The following OPA3 variants were observed in gnomAD, a reference collection of about 807,000 sequenced individuals.
OPA3 encodes outer mitochondrial membrane lipid metabolism regulator OPA3, also known as optic atrophy 3 protein.
In OPA3, 6 loss-of-function variants were observed where a neutral mutation model predicts 4.0. That is an observed-to-expected ratio of 1.51 (90% CI 0.83 to 2.99). The LOEUF is 2.99. OPA3 is among the 30% of genes most tolerant of loss of function. The probability of loss-of-function intolerance (pLI) is 0.00; values close to 1 mark genes in which losing one functional copy is unlikely to be tolerated. For missense variants in OPA3, 235 were observed against 256.2 expected, an observed-to-expected ratio of 0.92 and a Z score of 0.56; for synonymous variants, 105 against 117.1, an observed-to-expected ratio of 0.90 and a Z score of 0.67.
chr19:45,584,455 C>G (rs1193013954), intron 1 of OPA3, 168 bp downstream of exon 1: 1 of 984,242 alleles, frequency 1.0e-6, no homozygotes, highest in African/African-American at 1.7e-5. Flanking sequence ...CCCGCCCTCA[C>G]TACTGGGCCA....
chr19:45,551,019 G>A lies in OPA3; in HGVS notation c.*2495C>T. 1.1e-6 allele frequency: 1 copy of A among 934,796 alleles called. No individual in the cohort carries two copies. The highest frequency in any genetic ancestry group is 1.3e-6 in the Non-Finnish European group (1 of 783,856). 57.9% of individuals were successfully genotyped at this position (934,796 alleles called of 1,614,324 possible). A position where few individuals can be genotyped will look rare whatever the true frequency, so the allele number is the denominator to read the frequency against. The stretch of plus-strand genomic sequence containing the variant: ...TCTGTCATCCAGGCTGGAGTGTAGT[G>A]GCGCGATCACGGCTCGCTGCAGCCT... On this transcript the variant is annotated 3_prime_UTR_variant, in exon 2 of 2. Coordinates refer to ENST00000263275, the MANE Select transcript of OPA3 (RefSeq NM_025136.4).
chr19:45,577,955 T>C (rs988185925), intron 1 of OPA3, among the ~76,000 whole-genome samples: 2 of 152,166 alleles, frequency 1.3e-5, no homozygotes, highest in Non-Finnish European at 2.9e-5. Context: ...AGAGAGTAAA[T>C]ATTTTAGATT....
At position 45,552,160 on chromosome 19, in the gene OPA3, G is replaced by A; in HGVS notation, c.*1354C>T. 1 of 985,376 alleles carries A rather than the reference G, an allele frequency of 1.0e-6. No individual in the cohort carries two copies. The highest frequency in any genetic ancestry group is 1.2e-6 in the Non-Finnish European group (1 of 829,978). 61.0% of individuals were successfully genotyped at this position (985,376 alleles called of 1,614,324 possible). ...GGTTCTGTTGGAATAGTCCACTTCGGGTCTCAAGGGAAGGTACAATGATTC... is the reference window on the plus strand; with the variant it reads ...GGTTCTGTTGGAATAGTCCACTTCGAGTCTCAAGGGAAGGTACAATGATTC... On this transcript the variant is annotated 3_prime_UTR_variant, in exon 2 of 2. Transcript: ENST00000263275.
At chr19:45,584,077 T>G (rs1333896222) in intron 1 of OPA3, among the ~76,000 whole-genome samples, 1 of 152,186 alleles carries the variant, frequency 6.6e-6, no homozygotes. Context: ...TCCCAGGCCA[T>G]GTCTCCAGAA....
intron 1 of OPA3, among the ~76,000 whole-genome samples, chr19:45,560,583 T>C (rs1054986667): frequency 4.6e-5 from 7 of 152,114 alleles, no homozygotes; most frequent in African/African-American, 1.7e-4. Context: ...TCCTCCTGGA[T>C]TTCCTGGATT....
At chr19:45,584,489 C>T in intron 1 of OPA3, 134 bp downstream of exon 1, 1 of 1,499,658 alleles carries the variant, frequency 6.7e-7, no homozygotes, top group Non-Finnish European at 9.0e-7. Flanking sequence ...CTATCAGAAA[C>T]CCCCCACTAT....
intron 1 of OPA3, among the ~76,000 whole-genome samples, chr19:45,566,832 CTAGA>C (rs1276053355): frequency 6.6e-6 from 1 of 151,972 alleles, no homozygotes; most frequent in Admixed American, 6.6e-5. Flanking sequence ...AATTTTACTC[CTAGA>C]TAATTACTGG....
intron 1 of OPA3, among the ~76,000 whole-genome samples, chr19:45,541,052 A>T (rs1280445298): frequency 6.6e-6 from 1 of 152,166 alleles, no homozygotes; most frequent in African/African-American, 2.4e-5. Context: ...TGAGTCAGGA[A>T]CAGCCTGCAA....
intron 1 of OPA3, among the ~76,000 whole-genome samples, chr19:45,575,832 C>T (rs1240799280): frequency 6.6e-6 from 1 of 152,164 alleles, no homozygotes; most frequent in African/African-American, 2.4e-5. Context: ...TCTTGAACCC[C>T]TGGGTTCAAG....
chr19:45,575,324 G>C (rs1969750673), intron 1 of OPA3, among the ~76,000 whole-genome samples: 1 of 151,978 alleles, frequency 6.6e-6, no homozygotes, highest in South Asian at 2.1e-4. Context: ...CTCCTGGCCT[G>C]AAGTGATCCA....
rs398034791 is a variant in OPA3, at chr19:45,535,780, T to TA, written c.143-6325dup. ...TTCTTTTCTTTTTTTTTTTTTTTTTTAAGAGTTGAGGTCTCACCCTGTCAC... is the reference window on the plus strand; with the variant it reads ...TTCTTTTCTTTTTTTTTTTTTTTTTTAAAGAGTTGAGGTCTCACCCTGTCAC... On this transcript the variant is annotated intron_variant, in intron 1 of 1. Transcript: ENST00000323060. Among the ~76,000 whole-genome samples the TA allele has an allele frequency of 1.2e-4, 18 of 148,916 alleles. 1 individual carries two copies. Among genetic ancestry groups the TA allele is most frequent in the Admixed American group, 2.0e-4 (3 of 14,900 alleles).
chr19:45,529,315 C>T, exon 2 of OPA3: 1 of 1,614,190 alleles, frequency 6.2e-7, no homozygotes, highest in Non-Finnish European at 8.5e-7. Context: ...CATCAGGCAG[C>T]TGCAGGCGGT....
At chr19:45,544,637 A>C (rs1599955561), downstream of OPA3, among the ~76,000 whole-genome samples, 1 of 152,090 alleles carries the variant, frequency 6.6e-6, no homozygotes, top group Non-Finnish European at 1.5e-5. Context: ...TCCACCAAAA[A>C]CACAAAATTA....
exon 2 of OPA3, chr19:45,527,780 C>G (rs1416885610): frequency 6.6e-6 from 1 of 152,120 alleles, no homozygotes; most frequent in Non-Finnish European, 1.5e-5. Flanking sequence ...AGATCTTTAC[C>G]CCAGAGCTCC....
chr19:45,574,179 G>A (rs1969731584), intron 1 of OPA3, among the ~76,000 whole-genome samples: 1 of 151,758 alleles, frequency 6.6e-6, no homozygotes, highest in Non-Finnish European at 1.5e-5. Flanking sequence ...GGATCACGAG[G>A]TCAGGAGATC....
At chr19:45,528,928 G>A in exon 2 of OPA3, 1 of 1,159,472 alleles carries the variant, frequency 8.6e-7, no homozygotes, top group South Asian at 1.5e-5. Flanking sequence ...GGATCTCTCC[G>A]GCGCCCCCGA....
intron 1 of OPA3, among the ~76,000 whole-genome samples, chr19:45,554,752 G>C (rs1489430262): frequency 1.3e-5 from 2 of 152,184 alleles, no homozygotes; most frequent in East Asian, 3.8e-4. Context: ...TACTTTTAAG[G>C]TTTAGTAATT....
At chr19:45,561,402 T>C (rs1301536943) in intron 1 of OPA3, among the ~76,000 whole-genome samples, 2 of 152,116 alleles carry the variant, frequency 1.3e-5, no homozygotes, top group Admixed American at 6.6e-5. Context: ...CTGCATACGA[T>C]GGCTGCTTCC....
At chr19:45,529,380 C>G (rs1969033506) in exon 2 of OPA3, 2 of 1,614,234 alleles carry the variant, frequency 1.2e-6, no homozygotes, top group African/African-American at 1.3e-5. Flanking sequence ...CGGCTGCACC[C>G]TCGTTCAGCG....
Sources: gnomAD v4.1 joint callset for allele counts (sites outside exome capture counted in the v4.1 genomes callset) on GRCh38, gnomAD v4.1.1 for gene constraint, MANE v1.5 for transcripts, NCBI Gene and HGNC (gene_info 2026-07-23, HGNC 2026-07-21) for gene names.